C9orf57: variants seen among roughly 807,000 people sequenced by gnomAD.
The protein encoded by C9orf57 is uncharacterized protein C9orf57.
In C9orf57, 12 loss-of-function variants were observed where a neutral mutation model predicts 12.9. That is an observed-to-expected ratio of 0.93 (90% CI 0.60 to 1.51). C9orf57 has a LOEUF of 1.51. Among genes scored for constraint, C9orf57 ranks in the 40% most tolerant of loss-of-function variants. The pLI is 0.00. For synonymous variants in C9orf57, 49 were observed against 57.1 expected (o/e 0.86, Z 0.64); for missense variants, 141 against 162.8 (o/e 0.87, Z 0.73).
At chr9:72,054,218 G>T (rs972965772) in intron 4 of C9orf57, among the ~76,000 whole-genome samples, 2 of 152,206 alleles carry the variant, frequency 1.3e-5, no homozygotes, top group African/African-American at 4.8e-5. Context: ...GACTGGTCTC[G>T]AACTCCCCAC....
intron 4 of C9orf57, among the ~76,000 whole-genome samples, chr9:72,053,576 G>T (rs1824124868): frequency 6.6e-6 from 1 of 152,160 alleles, no homozygotes; most frequent in South Asian, 2.1e-4. Context: ...AGGGAGTCTG[G>T]ATATGTTTCC....
At chr9:72,059,444 T>C in intron 1 of C9orf57, 60 bp from the exon 2 acceptor site, 2 of 1,498,220 alleles carry the variant, frequency 1.3e-6, no homozygotes, top group Non-Finnish European at 1.8e-6. Context: ...AAAGGACTGG[T>C]TAAGTTTTAT....
In C9orf57 at chr9:72,059,469, C is replaced by T. The variant is rs1824282865; in HGVS notation, c.-53-85G>A. 3.6e-6 allele frequency: 5 copies of T among 1,404,188 alleles called. No individual in the cohort carries two copies. The African/African-American group carries it at 4.4e-5, about 12-fold the overall frequency. 87.0% of individuals were successfully genotyped at this position (1,404,188 alleles called of 1,614,324 possible). A position where few individuals can be genotyped will look rare whatever the true frequency, so the allele number is the denominator to read the frequency against. ...TTAAGTTTTATTGATTTCATTAAGA[C>T]AATATAAATAAGTTTATTTTGTGAA... is the stretch of plus-strand genomic sequence containing the variant. On this transcript the variant is annotated intron_variant, in intron 1 of 4. Coordinates refer to ENST00000651200, the MANE Select transcript of C9orf57 (RefSeq NM_001128618.2).
intron 2 of C9orf57, among the ~76,000 whole-genome samples, chr9:72,058,812 G>C (rs1323169462): frequency 6.6e-6 from 1 of 152,138 alleles, no homozygotes; most frequent in African/African-American, 2.4e-5. Context: ...AAAGACACTT[G>C]GGAAATTTCA....
intron 4 of C9orf57, among the ~76,000 whole-genome samples, 174 bp from the exon 5 acceptor site, chr9:72,052,609 A>G (rs1445401896): frequency 6.6e-6 from 1 of 152,186 alleles, no homozygotes. Context: ...AAGAACTCCC[A>G]CTTAGACTAT....
Position 72,059,218 on chromosome 9 carries a change from C to T in C9orf57, c.97+17G>A. On this transcript the variant is annotated intron_variant, in intron 2 of 4. Transcript: ENST00000651200. ...TAATTTTCTATCCTTTTAACTTATGCTTTCCTAATGACTTACCACCTAAGC... is the reference window on the plus strand; with the variant it reads ...TAATTTTCTATCCTTTTAACTTATGTTTTCCTAATGACTTACCACCTAAGC... 6.4e-7 allele frequency: 1 copy of T among 1,551,300 alleles called. No homozygotes were observed. Among genetic ancestry groups the T allele is most frequent in the Middle Eastern group, 1.7e-4 (1 of 5,986 alleles).
intron 4 of C9orf57, among the ~76,000 whole-genome samples, chr9:72,055,349 A>C (rs1316605639): frequency 8.8e-3 from 494 of 55,844 alleles, no homozygotes; most frequent in Non-Finnish European, 9.5e-3. Flanking sequence ...TCCTTCCTTC[A>C]TTCTTTCCCT....
chr9:72,052,274 AT>A lies in C9orf57; in HGVS notation c.*21del. 1 of 1,550,940 alleles carries A rather than the reference AT, an allele frequency of 6.4e-7. No individual in the cohort carries two copies. Among genetic ancestry groups the A allele is most frequent in the Non-Finnish European group, 8.7e-7 (1 of 1,146,738 alleles). ...TTCGAGACTGATTGATCTGCCAAGC[AT>A]TTTAGATATGGGCCACTGACTCAGA... is the stretch of plus-strand genomic sequence containing the variant. On this transcript the variant is annotated 3_prime_UTR_variant, in exon 5 of 5. Coordinates refer to ENST00000651200, the MANE Select transcript of C9orf57 (RefSeq NM_001128618.2).
chr9:72,059,339 TC>T lies in C9orf57; in HGVS notation c.-9del. On this transcript the variant is annotated 5_prime_UTR_variant, in exon 2 of 5. Transcript: ENST00000651200. Reference sequence around the variant, plus strand: ...AAAAACAATCCTTCTCATTCTGATTTCCAAGCCGAAAAGGAGATGAAAGGAA... The same window carrying T: ...AAAAACAATCCTTCTCATTCTGATTTCAAGCCGAAAAGGAGATGAAAGGAA... The T allele has an allele frequency of 6.4e-7, 1 of 1,551,670 alleles. No homozygotes were observed.
At chr9:72,052,523 C>A in intron 4 of C9orf57, 88 bp from the exon 5 acceptor site, 1 of 1,278,212 alleles carries the variant, frequency 7.8e-7, no homozygotes, top group Non-Finnish European at 1.1e-6. Flanking sequence ...GAATACTAAG[C>A]AAAACTTTAG....
rs1363106694 is a variant in C9orf57, at chr9:72,056,812, C to G, written c.129G>C (p.Gln43His). ...DLGTCQTKPG[Q>H]YWKEEVHIQD... is the part of the protein sequence containing the mutation. ...GAATGTGGACCTCTTCTTTCCAGTA[C>G]TGACCAGGTTTTGTCTGGCAGGTTC... Residue 43 changes from glutamine to histidine, a missense_variant, in exon 3 of 5, where the codon CAG becomes CAC. Physicochemically the swap from Gln to His is conservative, Grantham distance 24. Coordinates refer to ENST00000651200, the MANE Select transcript of C9orf57 (RefSeq NM_001128618.2). The G allele has an allele frequency of 2.6e-6, 4 of 1,550,914 alleles. No individual in the cohort carries two copies. The Admixed American group carries it at 7.9e-5, about 30-fold the overall frequency.
At chr9:72,059,126 G>A (rs925272781) in intron 2 of C9orf57, 109 bp downstream of exon 2, 514 of 1,392,322 alleles carry the variant, frequency 3.7e-4, no homozygotes, top group Non-Finnish European at 4.8e-4. Context: ...TGATCCACCC[G>A]CCTCAGCCTC....
intron 3 of C9orf57, 134 bp from the exon 4 acceptor site, chr9:72,056,330 TTA>T (rs1476861210): frequency 2.8e-6 from 1 of 353,986 alleles, no homozygotes; most frequent in Non-Finnish European, 4.4e-6. Flanking sequence ...TATATATATT[TTA>T]TGTTATATAT....
At chr9:72,058,457 A>G (rs1026384799) in intron 2 of C9orf57, among the ~76,000 whole-genome samples, 6 of 152,132 alleles carry the variant, frequency 3.9e-5, no homozygotes, top group African/African-American at 1.4e-4. Context: ...CACCGCGGCC[A>G]GCCTTAGGGA....
intron 1 of C9orf57, 95 bp from the exon 2 acceptor site, chr9:72,059,479 A>C: frequency 1.5e-6 from 2 of 1,370,634 alleles, no homozygotes; most frequent in Non-Finnish European, 2.0e-6. Flanking sequence ...CAATATAAAT[A>C]AGTTTATTTT....
Position 72,059,295 on chromosome 9 carries a change from G to T in C9orf57, c.37C>A (p.Arg13Ser). 3 of 1,551,476 alleles carry T rather than the reference G, an allele frequency of 1.9e-6. No homozygotes were observed. The highest frequency in any genetic ancestry group is 2.6e-6 in the Non-Finnish European group (3 of 1,146,952). ...CGGAATAAGATAACACCTAAGAGGCGGAATAAGATAACACCAGCAAAAACA... is the reference window on the plus strand; with the variant it reads ...CGGAATAAGATAACACCTAAGAGGCTGAATAAGATAACACCAGCAAAAACA... The part of the protein sequence containing the change: ...RIVFAGVILF[R>S]LLGVILFRLL... Residue 13 changes from arginine (R) to serine (S), a missense_variant, in exon 2 of 5, where the codon CGC becomes AGC. Coordinates refer to ENST00000651200, the MANE Select transcript of C9orf57 (RefSeq NM_001128618.2).
intron 4 of C9orf57, among the ~76,000 whole-genome samples, chr9:72,053,949 T>C (rs376261731): frequency 1.3e-5 from 2 of 152,246 alleles, no homozygotes; most frequent in African/African-American, 4.8e-5. Context: ...ATGACCTGCA[T>C]GTAACACAGT....
At chr9:72,053,842 C>A (rs1824132290) in intron 4 of C9orf57, among the ~76,000 whole-genome samples, 1 of 152,142 alleles carries the variant, frequency 6.6e-6, no homozygotes, top group South Asian at 2.1e-4. Context: ...ACTGAACGTA[C>A]TTGTTGGCAA....
At chr9:72,052,548 G>T in intron 4 of C9orf57, 113 bp from the exon 5 acceptor site, 1 of 951,912 alleles carries the variant, frequency 1.1e-6, no homozygotes, top group Non-Finnish European at 1.5e-6. Flanking sequence ...ATCAAGGTAC[G>T]AATCTAGCAT....
Sources: allele counts gnomAD v4.1 joint callset (sites outside exome capture counted in the v4.1 genomes callset), GRCh38; gene constraint gnomAD v4.1.1; transcripts MANE v1.5; gene names NCBI Gene and HGNC (gene_info 2026-07-23, HGNC 2026-07-21).